SVIL: variants seen among roughly 807,000 people sequenced by gnomAD.
SVIL encodes archvillin.
SVIL carries 101 observed loss-of-function variants against 240.4 expected under a neutral mutation model. The observed-to-expected ratio is 0.42, with a 90% CI of 0.36 to 0.50. The LOEUF (loss-of-function observed/expected upper bound fraction) is 0.50, where lower values mean the gene tolerates loss of function less well. Ranked by LOEUF, SVIL falls within the 20% of genes least tolerant of loss-of-function variation. SVIL has a pLI of 0.01. For synonymous variants in SVIL, 999 were observed against 1,100.0 expected, an observed-to-expected ratio of 0.91 and a Z score of 1.82; for missense variants, 2,512 against 2,818.7, an observed-to-expected ratio of 0.89 and a Z score of 2.46.
At chr10:29,527,833 C>T (rs1951044317) in intron 12 of SVIL, among the ~76,000 whole-genome samples, 1 of 147,890 alleles carries the variant, frequency 6.8e-6, no homozygotes, top group Admixed American at 6.9e-5. Flanking sequence ...TTAAGCATTT[C>T]TCCTGCCTCA....
intron 1 of SVIL, among the ~76,000 whole-genome samples, chr10:29,570,846 T>C (rs917129759): frequency 3.3e-5 from 5 of 152,194 alleles, no homozygotes; most frequent in African/African-American, 9.6e-5. Flanking sequence ...TAAAGTGTCT[T>C]TGGAGAAATG....
intron 1 of SVIL, among the ~76,000 whole-genome samples, chr10:29,619,951 G>T (rs1048916262): frequency 2.0e-5 from 3 of 151,962 alleles, no homozygotes; most frequent in African/African-American, 4.8e-5. Context: ...CATACACAAA[G>T]ATAACAGAGA....
At position 29,500,129 on chromosome 10, in the gene SVIL, G is replaced by T. The variant is rs532541723; in HGVS notation, c.3517-866C>A. Among the ~76,000 whole-genome samples the T allele has an allele frequency of 2.6e-5, 4 of 152,228 alleles. No homozygotes were observed. The South Asian group carries it at 8.3e-4, about 32-fold the overall frequency. ...CCTGGGATGGGGAGATGGGGCTGAGGAGGGAGGGACAGGAGCAGCGATGGA... is the reference window on the plus strand; with the variant it reads ...CCTGGGATGGGGAGATGGGGCTGAGTAGGGAGGGACAGGAGCAGCGATGGA... On this transcript the variant is annotated intron_variant, in intron 17 of 37. Coordinates refer to ENST00000355867, the MANE Select transcript of SVIL (RefSeq NM_021738.3).
chr10:29,493,905 T>C lies in SVIL; in HGVS notation c.3842-514A>G, dbSNP rs546962358. The stretch of plus-strand genomic sequence containing the variant: ...TTTACAAAAACAGGGCTGGGCATGG[T>C]GGCTTACGCTTATAATCCCAGCACT... On this transcript the variant is annotated intron_variant, in intron 20 of 37. Coordinates refer to ENST00000355867, the MANE Select transcript of SVIL (RefSeq NM_021738.3). Among the ~76,000 whole-genome samples the C allele has an allele frequency of 4.2e-4, 64 of 152,298 alleles. 1 individual carries two copies. The highest frequency in any genetic ancestry group is 4.4e-4 in the Non-Finnish European group (30 of 68,022).
intron 36 of SVIL, among the ~76,000 whole-genome samples, chr10:29,459,191 C>G (rs868402317): frequency 3.3e-5 from 5 of 152,114 alleles, no homozygotes; most frequent in African/African-American, 1.2e-4. Flanking sequence ...CTCTCTGCAG[C>G]CTTAAACTCC....
At chr10:29,580,875 T>C (rs1044818456) in intron 1 of SVIL, among the ~76,000 whole-genome samples, 1 of 152,170 alleles carries the variant, frequency 6.6e-6, no homozygotes, top group Non-Finnish European at 1.5e-5. Context: ...CTCAAACTCC[T>C]GGCCTGAAGT....
chr10:29,571,799 A>G (rs1955432755), intron 1 of SVIL, among the ~76,000 whole-genome samples: 1 of 152,208 alleles, frequency 6.6e-6, no homozygotes, highest in Non-Finnish European at 1.5e-5. Context: ...GAACCAGGAG[A>G]AATGGTCTCA....
intron 3 of SVIL, among the ~76,000 whole-genome samples, chr10:29,650,309 G>A (rs1405364276): frequency 6.6e-6 from 1 of 152,154 alleles, no homozygotes; most frequent in African/African-American, 2.4e-5. Flanking sequence ...AAGAAGCGTG[G>A]GGAAAGAATG....
At chr10:29,633,047 C>T (rs1353699333) in intron 1 of SVIL, among the ~76,000 whole-genome samples, 1 of 152,028 alleles carries the variant, frequency 6.6e-6, no homozygotes, top group Non-Finnish European at 1.5e-5. Context: ...GCCTGGCCAA[C>T]ATAGTGAAAC....
intron 29 of SVIL, among the ~76,000 whole-genome samples, chr10:29,474,999 A>C (rs1383730987): frequency 6.6e-6 from 1 of 152,182 alleles, no homozygotes; most frequent in East Asian, 1.9e-4. Context: ...TGAGCAGCAC[A>C]GGAGGCAGAT....
chr10:29,709,341 G>C (rs1050892612), intron 1 of SVIL, among the ~76,000 whole-genome samples: 1 of 152,182 alleles, frequency 6.6e-6, no homozygotes, highest in Non-Finnish European at 1.5e-5. Flanking sequence ...TCGGATTTCA[G>C]AGCATTTCAA....
chr10:29,652,757 T>C lies in SVIL; in HGVS notation c.-201+5212A>G, dbSNP rs146603390. On this transcript the variant is annotated intron_variant, in intron 3 of 35. Coordinates refer to the SVIL transcript ENST00000375400. ...CTTTGTGGGTATGAAGTGTTTTTTA[T>C]TGTGGTTATAATTTGCATTTCCCTA... 3.2e-3 allele frequency among the ~76,000 whole-genome samples: 495 copies of C among 152,350 alleles called. 6 individuals carry two copies. Among genetic ancestry groups the C allele is most frequent in the African/African-American group, 0.011 (472 of 41,586 alleles).
intron 1 of SVIL, among the ~76,000 whole-genome samples, chr10:29,621,664 G>A (rs999504766): frequency 2.8e-4 from 42 of 152,252 alleles, no homozygotes; most frequent in Non-Finnish European, 1.0e-4. Flanking sequence ...CACATGGGCT[G>A]TGGGCCCATG....
At chr10:29,600,669 T>C (rs1956777167) in intron 1 of SVIL, among the ~76,000 whole-genome samples, 1 of 152,168 alleles carries the variant, frequency 6.6e-6, no homozygotes, top group South Asian at 2.1e-4. Flanking sequence ...GAATAGGCAA[T>C]TAACATTTTC....
chr10:29,682,815 T>G (rs1960770790), intron 2 of SVIL, among the ~76,000 whole-genome samples: 1 of 152,244 alleles, frequency 6.6e-6, no homozygotes, highest in African/African-American at 2.4e-5. Context: ...TCATGTTTAA[T>G]GACTATTCAC....
At chr10:29,655,417 C>G (rs893832014) in intron 3 of SVIL, among the ~76,000 whole-genome samples, 2 of 152,172 alleles carry the variant, frequency 1.3e-5, no homozygotes, top group Non-Finnish European at 2.9e-5. Context: ...AAGCATCCAG[C>G]ACAGGAAGAG....
intron 1 of SVIL, among the ~76,000 whole-genome samples, chr10:29,623,049 G>T (rs554899058): frequency 6.6e-6 from 1 of 152,306 alleles, no homozygotes; most frequent in Admixed American, 6.5e-5. Context: ...CACTGGGTGT[G>T]TGTATATGTG....
At chr10:29,632,619 AG>A in intron 1 of SVIL, among the ~76,000 whole-genome samples, 1 of 152,336 alleles carries the variant, frequency 6.6e-6, no homozygotes, top group East Asian at 1.9e-4. Flanking sequence ...CTGTCTCCAA[AG>A]TAGAAGCAAA....
At chr10:29,571,093 T>G (rs926641839) in intron 1 of SVIL, among the ~76,000 whole-genome samples, 5 of 152,194 alleles carry the variant, frequency 3.3e-5, no homozygotes, top group African/African-American at 1.2e-4. Context: ...AGCAACCACC[T>G]TCGTCTGGTC....
Sources: gnomAD v4.1 joint callset for allele counts (sites outside exome capture counted in the v4.1 genomes callset) on GRCh38, gnomAD v4.1.1 for gene constraint, MANE v1.5 for transcripts, NCBI Gene and HGNC (gene_info 2026-07-23, HGNC 2026-07-21) for gene names.